HABP4: variants seen among roughly 807,000 people sequenced by gnomAD.
The protein encoded by HABP4 is intracellular hyaluronan-binding protein 4.
In HABP4, 32 loss-of-function variants were observed where a neutral mutation model predicts 44.1. The observed-to-expected ratio is 0.73, with a 90% CI of 0.55 to 0.97. The LOEUF (loss-of-function observed/expected upper bound fraction) is 0.97. Ranked by LOEUF, HABP4 falls within the 50% of genes least tolerant of loss-of-function variation. The probability of loss-of-function intolerance (pLI) is 0.00; values close to 1 mark genes in which losing one functional copy is unlikely to be tolerated. For missense variants in HABP4, 503 were observed against 561.9 expected (o/e 0.90, Z 1.06); for synonymous variants, 216 against 218.0 (o/e 0.99, Z 0.08).
chr9:96,469,516 C>G (rs1260400996), intron 4 of HABP4, among the ~76,000 whole-genome samples: 2 of 152,078 alleles, frequency 1.3e-5, no homozygotes, highest in African/African-American at 4.8e-5. Flanking sequence ...TCTGATAAAT[C>G]CAACATTGGT....
chr9:96,471,031 C>T lies in HABP4; in HGVS notation c.764C>T (p.Pro255Leu), dbSNP rs140673471. Residue 255 changes from proline (P) to leucine (L), a missense_variant, in exon 5 of 8, where the codon CCG becomes CTG. Around this residue, in one of 3 missense-constraint regions of HABP4, gnomAD observed 131 missense variants for 189.8 expected, o/e 0.69. Coordinates refer to ENST00000375249, the MANE Select transcript of HABP4 (RefSeq NM_014282.4). ...KDTSDVEPTA[P>L]MEEPTVVEES... ...TTCAGTGATGTGGAGCCAACTGCAC[C>T]GATGGAGGAACCCACAGTGGTGGAG... is the stretch of plus-strand genomic sequence containing the variant. 24 of 1,604,744 alleles carry T rather than the reference C, an allele frequency of 1.5e-5. No homozygotes were observed. In the East Asian group the frequency reaches 2.2e-4, roughly 15 times the overall value.
chr9:96,450,956 C>A lies in HABP4; in HGVS notation c.349+328C>A, dbSNP rs1387760696. Among the ~76,000 whole-genome samples, 1 of 152,162 alleles carries A rather than the reference C, an allele frequency of 6.6e-6. No homozygotes were observed. Among genetic ancestry groups the A allele is most frequent in the Non-Finnish European group, 1.5e-5 (1 of 68,022 alleles). On this transcript the variant is annotated intron_variant, in intron 1 of 7. Coordinates refer to ENST00000375249, the MANE Select transcript of HABP4 (RefSeq NM_014282.4). The surrounding 1 kb of genome is among the most constrained non-coding windows in gnomAD (Gnocchi z 4.8). ...CGGCTGAGGTCGCTACCCCGGGGCTCCCACATCCAGACCTGGCGGGGACCT... is the reference window on the plus strand; with the variant it reads ...CGGCTGAGGTCGCTACCCCGGGGCTACCACATCCAGACCTGGCGGGGACCT...
intron 5 of HABP4, among the ~76,000 whole-genome samples, chr9:96,474,299 A>G (rs1046064240): frequency 1.5e-4 from 23 of 152,250 alleles, no homozygotes; most frequent in African/African-American, 5.3e-4. Context: ...ATGTTGAGAA[A>G]GTTAACTGGA....
chr9:96,473,884 C>T (rs904965696), intron 5 of HABP4, among the ~76,000 whole-genome samples: 5 of 152,200 alleles, frequency 3.3e-5, no homozygotes, highest in African/African-American at 7.2e-5. Flanking sequence ...AGACATTGAA[C>T]CAGTGTGATG....
intron 2 of HABP4, among the ~76,000 whole-genome samples, chr9:96,460,277 T>G (rs1304537915): frequency 1.3e-5 from 2 of 152,180 alleles, no homozygotes; most frequent in Non-Finnish European, 2.9e-5. Context: ...TTAAGAATTA[T>G]ACGAAGAATT....
intron 2 of HABP4, among the ~76,000 whole-genome samples, chr9:96,464,811 C>G (rs1832570418): frequency 6.6e-6 from 1 of 152,080 alleles, no homozygotes; most frequent in East Asian, 1.9e-4. Flanking sequence ...CCAAATGTTA[C>G]CGGCTGGTTG....
At chr9:96,455,631 T>C (rs1832361256) in intron 1 of HABP4, among the ~76,000 whole-genome samples, 1 of 146,170 alleles carries the variant, frequency 6.8e-6, no homozygotes, top group Non-Finnish European at 1.5e-5. Context: ...CTGGGTGTGG[T>C]GGCAGGCACC....
intron 4 of HABP4, among the ~76,000 whole-genome samples, chr9:96,468,084 T>C (rs111299237): frequency 0.02 from 3,114 of 152,192 alleles, 43 homozygotes; most frequent in Middle Eastern, 0.058. Context: ...TCTTTTTTTT[T>C]TCCTCTCTCT....
At chr9:96,454,449 T>G (rs1293515679) in intron 1 of HABP4, among the ~76,000 whole-genome samples, 1 of 137,996 alleles carries the variant, frequency 7.2e-6, no homozygotes, top group South Asian at 2.4e-4. Context: ...TTCTGAACTC[T>G]TTTTTTTTTT....
At position 96,490,062 on chromosome 9, in the gene HABP4, C is replaced by CG. The variant is rs765729919; in HGVS notation, c.*26dup. 4.8e-6 allele frequency: 7 copies of CG among 1,449,450 alleles called. No homozygotes were observed. In the Admixed American group the frequency reaches 1.0e-4, roughly 21 times the overall value. 89.8% of individuals were successfully genotyped at this position (1,449,450 alleles called of 1,614,324 possible). On this transcript the variant is annotated 3_prime_UTR_variant, in exon 8 of 8. Coordinates refer to ENST00000375249, the MANE Select transcript of HABP4 (RefSeq NM_014282.4). ...GAAAGAGCCCTGTTTCCCAGCACCG[C>CG]GGAGCTGCACTGCACACCTGTGGGG...
intron 1 of HABP4, among the ~76,000 whole-genome samples, chr9:96,452,194 T>C (rs1832295558): frequency 7.1e-6 from 1 of 141,686 alleles, no homozygotes; most frequent in South Asian, 2.2e-4. Flanking sequence ...GCCACTGTAC[T>C]CCAGTCTGGG....
chr9:96,461,674 T>C (rs978807168), intron 2 of HABP4, among the ~76,000 whole-genome samples: 3 of 152,106 alleles, frequency 2.0e-5, no homozygotes, highest in Non-Finnish European at 1.5e-5. Context: ...TTGCTGAAAC[T>C]CTGGGTCTGT....
chr9:96,450,712 G>T lies in HABP4; in HGVS notation c.349+84G>T. The T allele has an allele frequency of 8.9e-7, 1 of 1,128,336 alleles. No homozygotes were observed. Among genetic ancestry groups the T allele is most frequent in the Non-Finnish European group, 1.1e-6 (1 of 900,420 alleles). The allele number at this position is 1,128,336 out of a possible 1,614,324, so 69.9% of individuals were successfully genotyped here. ...CCGGGGGCCGGTTTCAGGAGGAGGG[G>T]CCCGGGAACAGTAGGGAGAGTTGAG... is the stretch of plus-strand genomic sequence containing the variant. On this transcript the variant is annotated intron_variant, in intron 1 of 7. Transcript: ENST00000375249. This position sits in a 1 kb window ranked among gnomAD's most constrained non-coding sequence, Gnocchi z 4.8.
chr9:96,468,009 T>G (rs1453053294), intron 4 of HABP4, among the ~76,000 whole-genome samples: 1 of 152,208 alleles, frequency 6.6e-6, no homozygotes, highest in African/African-American at 2.4e-5. Flanking sequence ...CATGTCTCAG[T>G]GTTAAAATGA....
At position 96,450,603 on chromosome 9, in the gene HABP4, C is replaced by G; in HGVS notation, c.324C>G (p.Ser108Arg). The G allele has an allele frequency of 7.8e-7, 1 of 1,274,536 alleles. No homozygotes were observed. Among genetic ancestry groups the G allele is most frequent in the African/African-American group, 1.5e-5 (1 of 64,892 alleles). 79.0% of individuals were successfully genotyped at this position (1,274,536 alleles called of 1,614,324 possible). ...CGCCCGTCGCTCAGCGGCCCGATAG[C>G]CCCGGGGGCGGCCTGCAGGCGCCGG... is the stretch of plus-strand genomic sequence containing the variant. ...LPAPVAQRPD[S>R]PGGGLQAPGQ... Residue 108 changes from serine to arginine, a missense_variant, in exon 1 of 8, where the codon AGC (serine) becomes AGG (arginine). This residue lies in a region of HABP4 where 290 missense variants were observed against 300.5 expected (regional missense o/e 0.97). Transcript: ENST00000375249. This position sits in a 1 kb window ranked among gnomAD's most constrained non-coding sequence, Gnocchi z 4.8.
intron 1 of HABP4, among the ~76,000 whole-genome samples, chr9:96,455,905 C>T (rs898685616): frequency 1.3e-4 from 19 of 151,534 alleles, no homozygotes; most frequent in East Asian, 1.2e-3. Context: ...AAATACAAAA[C>T]TTAGCCCGGT....
At chr9:96,454,689 C>CT (rs1832343686) in intron 1 of HABP4, among the ~76,000 whole-genome samples, 1 of 152,130 alleles carries the variant, frequency 6.6e-6, no homozygotes, top group Admixed American at 6.5e-5. Context: ...ATCTTGTGAT[C>CT]TGCCCGCCTT....
At chr9:96,462,986 C>G (rs1353983601) in intron 2 of HABP4, among the ~76,000 whole-genome samples, 1 of 151,982 alleles carries the variant, frequency 6.6e-6, no homozygotes, top group South Asian at 2.1e-4. Flanking sequence ...TTTTTTTGCT[C>G]TGTTTCCCAG....
intron 4 of HABP4, among the ~76,000 whole-genome samples, chr9:96,466,400 G>A (rs1410655773): frequency 6.6e-6 from 1 of 151,960 alleles, no homozygotes; most frequent in Non-Finnish European, 1.5e-5. Flanking sequence ...TTTTTGTTTT[G>A]TTCATTATTT....
Sources: gnomAD v4.1 joint callset for allele counts (sites outside exome capture counted in the v4.1 genomes callset) on GRCh38, gnomAD v4.1.1 for gene constraint, gnomAD v4.1.1 regional missense constraint, Gnocchi (gnomAD v3.1) non-coding constraint, MANE v1.5 for transcripts, NCBI Gene and HGNC (gene_info 2026-07-23, HGNC 2026-07-21) for gene names.